The following CACHD1 variants were observed in gnomAD, a reference collection of about 807,000 sequenced individuals.
CACHD1 encodes the protein VWFA and cache domain-containing protein 1.
CACHD1 carries 71 observed loss-of-function variants against 138.7 expected under a neutral mutation model. That is an observed-to-expected ratio of 0.51 (90% CI 0.42 to 0.62). The LOEUF is 0.62. Ranked by LOEUF, CACHD1 falls within the 20% of genes least tolerant of loss-of-function variation. The probability of loss-of-function intolerance (pLI) is 0.00; values close to 1 mark genes in which losing one functional copy is unlikely to be tolerated. For synonymous variants in CACHD1, 578 were observed against 591.5 expected, an observed-to-expected ratio of 0.98 and a Z score of 0.33; for missense variants, 1,389 against 1,625.3, an observed-to-expected ratio of 0.85 and a Z score of 2.50.
At position 64,647,920 on chromosome 1, in the gene CACHD1, C is replaced by T. The variant is rs374912313; in HGVS notation, c.1276C>T (p.Leu426=). Residue 426 remains leucine, a synonymous_variant, in exon 9 of 27, where the codon CTG becomes TTG. Transcript: ENST00000651257. ...TGTGATTAAGGGCAGCATGATGGTG[C>T]TGAATCAGTTGAGCAACCTGGAGAC... ...LPVIKGSMMV[L]NQLSNLETTV... 58 of 1,613,982 alleles carry T rather than the reference C, an allele frequency of 3.6e-5. No homozygotes were observed. The highest frequency in any genetic ancestry group is 1.6e-4 in the Middle Eastern group (1 of 6,082).
chr1:64,483,832 C>T (rs549756564), intron 1 of CACHD1, among the ~76,000 whole-genome samples: 4 of 151,332 alleles, frequency 2.6e-5, no homozygotes, highest in African/African-American at 9.7e-5. Flanking sequence ...GTGATCTGGC[C>T]CCTGCCACCT....
At chr1:64,541,761 G>T (rs1445888449) in intron 1 of CACHD1, among the ~76,000 whole-genome samples, 1 of 152,178 alleles carries the variant, frequency 6.6e-6, no homozygotes, top group East Asian at 1.9e-4. Context: ...GAGCCTGGGA[G>T]GTCAAGTCTG....
intron 2 of CACHD1, among the ~76,000 whole-genome samples, chr1:64,551,029 G>T (rs999015316): frequency 2.0e-5 from 3 of 152,096 alleles, no homozygotes; most frequent in Non-Finnish European, 4.4e-5. Flanking sequence ...TTATTTTGTA[G>T]CCCCAGTAAG....
intron 1 of CACHD1, among the ~76,000 whole-genome samples, chr1:64,530,923 GT>G (rs1330246075): frequency 7.5e-6 from 1 of 132,556 alleles, no homozygotes; most frequent in East Asian, 2.1e-4. Context: ...ATTCCATCGT[GT>G]TTTTTTTTGT....
chr1:64,638,985 G>A lies in CACHD1; in HGVS notation c.1007-2835G>A, dbSNP rs565553001. Among the ~76,000 whole-genome samples the A allele has an allele frequency of 8.5e-5, 13 of 152,318 alleles. No homozygotes were observed. In the East Asian group the frequency reaches 1.4e-3, roughly 16 times the overall value. ...GAGTGTATGTCTTATTGTTGGAATGGAAAGAAAATGTGCTTGGCTACCAAA... is the reference window on the plus strand; with the variant it reads ...GAGTGTATGTCTTATTGTTGGAATGAAAAGAAAATGTGCTTGGCTACCAAA... On this transcript the variant is annotated intron_variant, in intron 7 of 26. Coordinates refer to ENST00000651257, the MANE Select transcript of CACHD1 (RefSeq NM_020925.4).
chr1:64,555,899 T>G (rs1173146748), intron 2 of CACHD1, among the ~76,000 whole-genome samples: 6 of 152,266 alleles, frequency 3.9e-5, no homozygotes, highest in Non-Finnish European at 8.8e-5. Context: ...GTGTTTTCTG[T>G]CATTAGTTGA....
chr1:64,567,307 G>A (rs1000546930), intron 2 of CACHD1, among the ~76,000 whole-genome samples: 6 of 151,896 alleles, frequency 4.0e-5, no homozygotes, highest in Admixed American at 1.3e-4. Context: ...TGCCCTGATG[G>A]ACTGTGGATC....
At chr1:64,519,825 T>A (rs1330907304) in intron 1 of CACHD1, among the ~76,000 whole-genome samples, 1 of 152,154 alleles carries the variant, frequency 6.6e-6, no homozygotes, top group Non-Finnish European at 1.5e-5. Flanking sequence ...TATACACAAC[T>A]CCTAGGTGCT....
At chr1:64,599,800 C>A (rs1379648990) in intron 3 of CACHD1, among the ~76,000 whole-genome samples, 1 of 152,062 alleles carries the variant, frequency 6.6e-6, no homozygotes, top group African/African-American at 2.4e-5. Context: ...TCACAAAGGT[C>A]CAGAAAAATC....
intron 3 of CACHD1, among the ~76,000 whole-genome samples, chr1:64,593,365 G>C (rs1041619168): frequency 3.9e-5 from 6 of 152,134 alleles, no homozygotes; most frequent in Admixed American, 1.3e-4. Flanking sequence ...TTTTAAGGTA[G>C]TGCACATGGA....
chr1:64,524,564 C>T (rs757432851), intron 1 of CACHD1, among the ~76,000 whole-genome samples: 6 of 152,144 alleles, frequency 3.9e-5, no homozygotes, highest in Non-Finnish European at 5.9e-5. Context: ...TATAAAAATA[C>T]TTTCAGGTAC....
chr1:64,673,409 A>G lies in CACHD1; in HGVS notation c.2672A>G (p.Asn891Ser). The change falls in exon 19 of 27, where the codon AAC (asparagine) becomes AGC (serine). Residue 891 changes from asparagine (N) to serine (S), a missense_variant. Physicochemically the swap from Asn to Ser is conservative, Grantham distance 46. Around this residue, in one of 5 missense-constraint regions of CACHD1, gnomAD observed 1,000 missense variants for 1,114.7 expected, o/e 0.90. Coordinates refer to ENST00000651257, the MANE Select transcript of CACHD1 (RefSeq NM_020925.4). ...AACTTTGTAAAGAAAAACCTGTGCA[A>G]CAGCTTCAGTGACAGAACGGTCCAG... ...HPNFVKKNLC[N>S]SFSDRTVQRF... 3 of 1,614,176 alleles carry G rather than the reference A, an allele frequency of 1.9e-6. No homozygotes were observed. Among genetic ancestry groups the G allele is most frequent in the Non-Finnish European group, 2.5e-6 (3 of 1,180,016 alleles).
At chr1:64,510,508 C>G (rs1353764193) in intron 1 of CACHD1, among the ~76,000 whole-genome samples, 2 of 152,170 alleles carry the variant, frequency 1.3e-5, no homozygotes, top group African/African-American at 4.8e-5. Context: ...ACGGAACAGC[C>G]AGGTATTCAC....
At chr1:64,646,217 T>C (rs1020185328) in intron 8 of CACHD1, among the ~76,000 whole-genome samples, 4 of 152,198 alleles carry the variant, frequency 2.6e-5, no homozygotes, top group Non-Finnish European at 5.9e-5. Flanking sequence ...GTTTTACTTC[T>C]GTGAGCTTCT....
intron 1 of CACHD1, among the ~76,000 whole-genome samples, chr1:64,543,425 A>ATATATT (rs1388963171): frequency 6.8e-6 from 1 of 146,106 alleles, no homozygotes; most frequent in Non-Finnish European, 1.5e-5. Flanking sequence ...ATATATATAT[A>ATATATT]TTTAAATTAG....
chr1:64,628,477 G>T (rs1473955130), intron 4 of CACHD1, among the ~76,000 whole-genome samples: 1 of 152,210 alleles, frequency 6.6e-6, no homozygotes, highest in African/African-American at 2.4e-5. Flanking sequence ...GCTCAGAAAA[G>T]AGGAAATTCT....
intron 2 of CACHD1, among the ~76,000 whole-genome samples, chr1:64,561,396 A>G (rs997245388): frequency 3.3e-5 from 5 of 152,192 alleles, no homozygotes; most frequent in African/African-American, 1.2e-4. Flanking sequence ...AAGTTAAAAG[A>G]AAAAATATTG....
Position 64,663,810 on chromosome 1 carries a change from C to G in CACHD1, c.2067C>G (p.Thr689=). The change falls in exon 14 of 27, where the codon ACC becomes ACG. Residue 689 remains threonine (T), a synonymous_variant. Transcript: ENST00000651257. ...ACACCGCCTATCTCAGCGACAACAC[C>G]CGCCTCATTGCTAACCCGGGCCTCA... ...EHYTAYLSDN[T]RLIANPGLKF... is the part of the protein sequence containing the mutation. The G allele has an allele frequency of 2.5e-6, 4 of 1,614,124 alleles. No homozygotes were observed. Among genetic ancestry groups the G allele is most frequent in the Non-Finnish European group, 3.4e-6 (4 of 1,179,998 alleles).
intron 1 of CACHD1, among the ~76,000 whole-genome samples, chr1:64,538,396 A>G (rs995306084): frequency 3.3e-5 from 5 of 152,246 alleles, no homozygotes; most frequent in African/African-American, 9.6e-5. Context: ...GTCAGCAAAT[A>G]TAATTTTCTT....
Sources: gnomAD v4.1 joint callset for allele counts (sites outside exome capture counted in the v4.1 genomes callset) on GRCh38, gnomAD v4.1.1 for gene constraint, gnomAD v4.1.1 regional missense constraint, MANE v1.5 for transcripts, NCBI Gene and HGNC (gene_info 2026-07-23, HGNC 2026-07-21) for gene names.